Variants in BRSK2 observed in about 807,000 individuals in gnomAD.
BRSK2 encodes BR serine/threonine kinase 2, also known as serine/threonine-protein kinase BRSK2.
In BRSK2, 19 loss-of-function variants were observed where a neutral mutation model predicts 83.3. The observed-to-expected ratio is 0.23, with a 90% CI of 0.16 to 0.33. The LOEUF (loss-of-function observed/expected upper bound fraction) is 0.33, where lower values mean the gene tolerates loss of function less well. BRSK2 is among the 10% of genes least tolerant of loss of function. The probability of loss-of-function intolerance (pLI) is 1.00; values close to 1 mark genes in which losing one functional copy is unlikely to be tolerated. For missense variants in BRSK2, 798 were observed against 1,042.3 expected (o/e 0.77, Z 3.23); for synonymous variants, 519 against 435.4 (o/e 1.19, Z -2.39).
intron 1 of BRSK2, among the ~76,000 whole-genome samples, chr11:1,395,038 G>A (rs1004211719): frequency 3.9e-5 from 6 of 152,244 alleles, no homozygotes; most frequent in Middle Eastern, 3.4e-3. Context: ...CCCGGAGAGC[G>A]CATGGGTAGA....
chr11:1,421,804 G>A (rs2134198457), intron 1 of BRSK2, among the ~76,000 whole-genome samples: 1 of 152,324 alleles, frequency 6.6e-6, no homozygotes, highest in South Asian at 2.1e-4. Flanking sequence ...TGCTAATGAA[G>A]GAACAAGGCT....
At chr11:1,411,600 C>T (rs1313142056) in intron 1 of BRSK2, 8 of 1,577,432 alleles carry the variant, frequency 5.1e-6, no homozygotes, top group Admixed American at 1.8e-5. Context: ...TCCTCAAGGC[C>T]AGACCTGGCT....
chr11:1,448,296 G>C (rs1181836449), intron 12 of BRSK2, among the ~76,000 whole-genome samples: 1 of 152,154 alleles, frequency 6.6e-6, no homozygotes, highest in Non-Finnish European at 1.5e-5. Flanking sequence ...CCTCTACCTG[G>C]GGCCAGTTTT....
At chr11:1,403,797 A>G (rs573955401) in intron 1 of BRSK2, among the ~76,000 whole-genome samples, 1 of 152,178 alleles carries the variant, frequency 6.6e-6, no homozygotes, top group Non-Finnish European at 1.5e-5. Flanking sequence ...GGATAAACCA[A>G]GCCCCCACAG....
intron 1 of BRSK2, among the ~76,000 whole-genome samples, chr11:1,392,795 C>G (rs7931497): frequency 0.92 from 139,602 of 152,276 alleles, 64,192 homozygotes; most frequent in Non-Finnish European, 0.95. Flanking sequence ...TACGGCACCT[C>G]CCTGTCTTGT....
intron 13 of BRSK2, 143 bp from the exon 14 acceptor site, chr11:1,450,444 C>T (rs985864867): frequency 4.2e-5 from 24 of 574,844 alleles, no homozygotes; most frequent in Admixed American, 1.1e-4. Flanking sequence ...AACCCCTTCC[C>T]GGCCAGCACC....
At chr11:1,425,699 C>A (rs2132895171) in intron 1 of BRSK2, among the ~76,000 whole-genome samples, 1 of 152,342 alleles carries the variant, frequency 6.6e-6, no homozygotes, top group South Asian at 2.1e-4. Context: ...ACTCTGTGTC[C>A]TCTCCACTGG....
intron 1 of BRSK2, among the ~76,000 whole-genome samples, chr11:1,419,956 G>A (rs1176076948): frequency 1.4e-5 from 2 of 142,036 alleles, no homozygotes; most frequent in Non-Finnish European, 1.6e-5. Context: ...GATTTCCTGA[G>A]GACTGGTGCT....
chr11:1,393,490 T>G (rs1845858088), intron 1 of BRSK2, among the ~76,000 whole-genome samples: 1 of 152,140 alleles, frequency 6.6e-6, no homozygotes, highest in Non-Finnish European at 1.5e-5. Flanking sequence ...TAGGGCTCCC[T>G]GCGAGGGAAC....
rs144735942 is a variant in BRSK2, at chr11:1,433,136, C to CGG, written c.92-2903_92-2902dup. Among the ~76,000 whole-genome samples, 49 of 96,720 alleles carry CGG rather than the reference C, an allele frequency of 5.1e-4. 5 individuals are homozygous for CGG. The highest frequency in any genetic ancestry group is 2.4e-3 in the East Asian group (11 of 4,652). The allele number at this position is 96,720 out of a possible 152,430, so 63.5% of individuals were successfully genotyped here. A position where few individuals can be genotyped will look rare whatever the true frequency, so the allele number is the denominator to read the frequency against. Reference sequence around the variant, plus strand: ...TGTGCTCAGCAGTGAGCGTCTTCTGCGGTCTGGTCAGGTTTTGCCACTGTC... The same window carrying CGG: ...TGTGCTCAGCAGTGAGCGTCTTCTGCGGGGTCTGGTCAGGTTTTGCCACTGTC... On this transcript the variant is annotated intron_variant, in intron 1 of 19. Coordinates refer to ENST00000528841, the MANE Select transcript of BRSK2 (RefSeq NM_001256627.2).
At chr11:1,395,138 C>A (rs1379772682) in intron 1 of BRSK2, among the ~76,000 whole-genome samples, 1 of 152,190 alleles carries the variant, frequency 6.6e-6, no homozygotes, top group African/African-American at 2.4e-5. Flanking sequence ...TGTGGCCTTC[C>A]CCACATCAGG....
chr11:1,457,756 C>T (rs1846798268), intron 18 of BRSK2, among the ~76,000 whole-genome samples: 1 of 152,162 alleles, frequency 6.6e-6, no homozygotes, highest in Non-Finnish European at 1.5e-5. Context: ...CACTGCCCCT[C>T]CCCATGACAT....
intron 9 of BRSK2, 39 bp from the exon 10 acceptor site, chr11:1,445,255 C>T: frequency 1.3e-6 from 2 of 1,574,078 alleles, no homozygotes; most frequent in Non-Finnish European, 1.7e-6. Context: ...CCAGGCCCGG[C>T]CGGAGCTGAT....
chr11:1,444,698 AC>A (rs1851779155), intron 8 of BRSK2, among the ~76,000 whole-genome samples: 2 of 98,616 alleles, frequency 2.0e-5, no homozygotes, highest in African/African-American at 3.9e-5. Flanking sequence ...TACCTGGAGC[AC>A]CCCCTCCGAC....
In BRSK2 at chr11:1,460,735, C is replaced by G. The variant is rs768916252; in HGVS notation, c.*12C>G. 44 of 1,389,708 alleles carry G rather than the reference C, an allele frequency of 3.2e-5. 1 individual carries two copies. The highest frequency in any genetic ancestry group is 5.8e-5 in the South Asian group (4 of 69,494). 86.1% of individuals were successfully genotyped at this position (1,389,708 alleles called of 1,614,324 possible). ...GCGAGCAGCCTTAGACACACTAGCCCCCCCCCCCAGCACAGCACTGACAGC... is the reference window on the plus strand; with the variant it reads ...GCGAGCAGCCTTAGACACACTAGCCGCCCCCCCCAGCACAGCACTGACAGC... On this transcript the variant is annotated 3_prime_UTR_variant, in exon 20 of 20. Transcript: ENST00000528841.
At chr11:1,439,499 G>A (rs1471186746) in intron 3 of BRSK2, among the ~76,000 whole-genome samples, 1 of 151,628 alleles carries the variant, frequency 6.6e-6, no homozygotes, top group Non-Finnish European at 1.5e-5. Flanking sequence ...CGGTGCCGGT[G>A]CAGTGGGGTC....
At chr11:1,451,117 A>G (rs1295055160) in intron 14 of BRSK2, among the ~76,000 whole-genome samples, 2 of 152,234 alleles carry the variant, frequency 1.3e-5, no homozygotes, top group Non-Finnish European at 2.9e-5. Context: ...ACCAAGGGCC[A>G]GCCAGTGCTG....
intron 3 of BRSK2, among the ~76,000 whole-genome samples, chr11:1,440,463 A>G (rs1851060825): frequency 6.6e-6 from 1 of 151,992 alleles, no homozygotes. Context: ...CCTTGGCCCC[A>G]GCACCCGCCA....
At position 1,460,695 on chromosome 11, in the gene BRSK2, CGCCCACCGCCCGCCGCGAGCAGCCTTAGA is replaced by C. The variant is rs1564896060; in HGVS notation, c.2184_*1del. On this transcript the variant is annotated stop_lost and 3_prime_UTR_variant, in exon 20 of 20. Coordinates refer to ENST00000528841, the MANE Select transcript of BRSK2 (RefSeq NM_001256627.2). Reference sequence around the variant, plus strand: ...GGCAAGGACACGGCCAAGATGGGCCCGCCCACCGCCCGCCGCGAGCAGCCTTAGACACACTAGCCCCCCCCCCCAGCACA... The same window carrying C: ...GGCAAGGACACGGCCAAGATGGGCCCCACACTAGCCCCCCCCCCCAGCACA... 6.7e-7 allele frequency: 1 copy of C among 1,485,194 alleles called. No homozygotes were observed. The highest frequency in any genetic ancestry group is 2.1e-5 in the Admixed American group (1 of 48,542). The allele number at this position is 1,485,194 out of a possible 1,614,324, so 92.0% of individuals were successfully genotyped here.
Sources: allele counts gnomAD v4.1 joint callset (sites outside exome capture counted in the v4.1 genomes callset), GRCh38; gene constraint gnomAD v4.1.1; transcripts MANE v1.5; gene names NCBI Gene and HGNC (gene_info 2026-07-23, HGNC 2026-07-21).